The following CEP112 variants were observed in gnomAD, a reference collection of about 807,000 sequenced individuals.
CEP112 encodes centrosomal protein of 112 kDa.
A neutral mutation model predicts 153.0 loss-of-function variants in CEP112; 127 were observed. The observed-to-expected ratio is 0.83, with a 90% CI of 0.72 to 0.96. The LOEUF is 0.96. Ranked by LOEUF, CEP112 falls within the 40% of genes least tolerant of loss-of-function variation. The pLI is 0.00. For missense variants in CEP112, 1,089 were observed against 1,101.2 expected, an observed-to-expected ratio of 0.99 and a Z score of 0.16; for synonymous variants, 358 against 374.4, an observed-to-expected ratio of 0.96 and a Z score of 0.51.
Position 66,005,696 on chromosome 17 carries a change from G to C in CEP112, c.1730C>G (p.Ala577Gly). 6.2e-7 allele frequency: 1 copy of C among 1,608,636 alleles called. No individual in the cohort carries two copies. The highest frequency in any genetic ancestry group is 8.5e-7 in the Non-Finnish European group (1 of 1,178,262). The change falls in exon 17 of 27, where the codon GCT becomes GGT. Residue 577 changes from alanine to glycine, a missense_variant. Ala to Gly is a moderately conservative substitution (Grantham distance 60, BLOSUM62 0). Coordinates refer to ENST00000535342, the MANE Select transcript of CEP112 (RefSeq NM_001199165.4). ...TQKKIHKFEE[A>G]LKEKEEQLTR... ...GCATTACAATTTTACTCACTTCAAA[G>C]CTTCCTCAAATTTATGAATTTTCTT...
intron 16 of CEP112, among the ~76,000 whole-genome samples, chr17:66,007,841 C>T (rs1021400827): frequency 1.3e-5 from 2 of 152,124 alleles, no homozygotes; most frequent in African/African-American, 2.4e-5. Context: ...TTGCTTTAAT[C>T]GTTCTTTCTT....
chr17:65,687,866 T>G (rs1320075987), intron 24 of CEP112, among the ~76,000 whole-genome samples: 1 of 152,236 alleles, frequency 6.6e-6, no homozygotes, highest in Non-Finnish European at 1.5e-5. Flanking sequence ...ATTCCTGTAC[T>G]GAGTTTTACA....
chr17:65,850,283 C>T (rs1248228218), intron 21 of CEP112, among the ~76,000 whole-genome samples: 1 of 151,932 alleles, frequency 6.6e-6, no homozygotes, highest in Admixed American at 6.6e-5. Flanking sequence ...CTGAACATGT[C>T]CCGAGAGGCC....
intron 21 of CEP112, among the ~76,000 whole-genome samples, chr17:65,814,830 C>G (rs2056179596): frequency 6.6e-6 from 1 of 152,154 alleles, no homozygotes; most frequent in African/African-American, 2.4e-5. Flanking sequence ...ATTTCAGTTA[C>G]CACAGTCTAT....
chr17:66,048,555 C>T (rs937254516), intron 12 of CEP112, among the ~76,000 whole-genome samples: 6 of 152,158 alleles, frequency 3.9e-5, no homozygotes, highest in African/African-American at 1.4e-4. Flanking sequence ...ATAGGCGAAC[C>T]TTCTTGCACT....
intron 19 of CEP112, among the ~76,000 whole-genome samples, chr17:65,926,657 G>C (rs7207893): frequency 0.037 from 5,669 of 152,050 alleles, 322 homozygotes; most frequent in African/African-American, 0.12. Flanking sequence ...CGGTTGCAGT[G>C]AACCAAGATG....
chr17:65,901,079 C>T (rs1246956782), intron 20 of CEP112, among the ~76,000 whole-genome samples: 2 of 152,130 alleles, frequency 1.3e-5, no homozygotes, highest in Non-Finnish European at 2.9e-5. Context: ...CCGCTGTCCA[C>T]TCAAAAAAAT....
intron 23 of CEP112, among the ~76,000 whole-genome samples, chr17:65,741,222 A>G (rs2145137598): frequency 6.6e-6 from 1 of 152,306 alleles, no homozygotes; most frequent in East Asian, 1.9e-4. Context: ...AGCCTGGAAC[A>G]TAGTACGTGA....
chr17:66,066,460 C>T (rs989344479), intron 10 of CEP112, among the ~76,000 whole-genome samples: 2 of 152,072 alleles, frequency 1.3e-5, no homozygotes, highest in East Asian at 3.9e-4. Flanking sequence ...TCTATGGCAG[C>T]TGTATCCCAA....
intron 21 of CEP112, among the ~76,000 whole-genome samples, chr17:65,801,859 T>C (rs1244672408): frequency 6.6e-6 from 1 of 152,212 alleles, no homozygotes; most frequent in Non-Finnish European, 1.5e-5. Flanking sequence ...TTCTATTATT[T>C]TTCCCCCTGC....
intron 11 of CEP112, among the ~76,000 whole-genome samples, chr17:66,061,908 T>C (rs1017365243): frequency 6.6e-6 from 1 of 152,124 alleles, no homozygotes; most frequent in Non-Finnish European, 1.5e-5. Flanking sequence ...ATAATCCCTA[T>C]GTGTCAAAGG....
chr17:65,749,439 T>C (rs1833345), intron 22 of CEP112, among the ~76,000 whole-genome samples: 62,566 of 151,362 alleles, frequency 0.41, 13,537 homozygotes, highest in East Asian at 0.72. Flanking sequence ...ATCAGGGAGG[T>C]GGAGCTTGCA....
intron 8 of CEP112, 74 bp from the exon 9 acceptor site, chr17:66,070,075 T>C: frequency 3.9e-6 from 3 of 762,288 alleles, no homozygotes; most frequent in Non-Finnish European, 6.6e-6. Flanking sequence ...TAAACTAAAA[T>C]AATTCCCTAT....
intron 4 of CEP112, among the ~76,000 whole-genome samples, chr17:66,139,428 C>T (rs769471082): frequency 9.9e-5 from 15 of 151,942 alleles, no homozygotes; most frequent in Non-Finnish European, 2.2e-4. Context: ...ACATAGTGAG[C>T]CTCATTTCTA....
intron 8 of CEP112, among the ~76,000 whole-genome samples, chr17:66,071,544 C>T (rs112158513): frequency 1.2e-4 from 19 of 152,210 alleles, no homozygotes; most frequent in Non-Finnish European, 2.4e-4. Flanking sequence ...CCCTAAATAC[C>T]ATGTGAGTGT....
At chr17:65,649,005 C>T (rs770948771) in intron 24 of CEP112, among the ~76,000 whole-genome samples, 1 of 151,834 alleles carries the variant, frequency 6.6e-6, no homozygotes, top group African/African-American at 2.4e-5. Flanking sequence ...GAGCCAACAT[C>T]GTGCCACTGC....
rs567983729 is a variant in CEP112, at chr17:65,744,605, T to C, written c.2458-1388A>G. Among the ~76,000 whole-genome samples the C allele has an allele frequency of 1.1e-4, 17 of 152,336 alleles. No individual in the cohort carries two copies. In the South Asian group the frequency reaches 1.2e-3, roughly 11 times the overall value. On this transcript the variant is annotated intron_variant, in intron 22 of 26. Transcript: ENST00000535342. The stretch of plus-strand genomic sequence containing the variant: ...TTGCAGGGAAGTTTATACTTCCAAA[T>C]AGGTTGTCCTCTTCCTAACTCATGG...
chr17:65,927,541 A>G (rs373180583), intron 19 of CEP112, 41 bp downstream of exon 19: 3 of 1,087,062 alleles, frequency 2.8e-6, no homozygotes, highest in Non-Finnish European at 2.8e-6. Context: ...TCATATATGT[A>G]TTTTAAAAAT....
At chr17:66,062,927 C>T (rs745987092) in intron 11 of CEP112, 36 bp downstream of exon 11, 7 of 1,074,952 alleles carry the variant, frequency 6.5e-6, no homozygotes, top group Non-Finnish European at 9.5e-6. Flanking sequence ...GAAGCATAAA[C>T]TTTTATGTTT....
Sources: allele counts gnomAD v4.1 joint callset (sites outside exome capture counted in the v4.1 genomes callset), GRCh38; gene constraint gnomAD v4.1.1; transcripts MANE v1.5; gene names NCBI Gene and HGNC (gene_info 2026-07-23, HGNC 2026-07-21).